Variants in ALG6 observed in about 807,000 individuals in gnomAD.
ALG6 encodes dolichyl pyrophosphate Man9GlcNAc2 alpha-1,3-glucosyltransferase.
ALG6 carries 46 observed loss-of-function variants against 66.6 expected under a neutral mutation model. That is an observed-to-expected ratio of 0.69 (90% CI 0.55 to 0.88). ALG6 has a LOEUF of 0.88. ALG6 is among the 40% of genes least tolerant of loss of function. The pLI, the probability that ALG6 is intolerant of heterozygous loss-of-function variation, is 0.00. For synonymous variants in ALG6, 185 were observed against 203.7 expected, an observed-to-expected ratio of 0.91 and a Z score of 0.78; for missense variants, 505 against 586.8, an observed-to-expected ratio of 0.86 and a Z score of 1.44.
At chr1:63,381,170 A>G (rs1010649381) in intron 2 of ALG6, among the ~76,000 whole-genome samples, 11 of 151,758 alleles carry the variant, frequency 7.2e-5, no homozygotes, top group Admixed American at 1.3e-4. Context: ...AAATACAAAA[A>G]TTGGCCAGGC....
At chr1:63,429,859 G>GTA (rs1417462288) in intron 14 of ALG6, 1 of 151,452 alleles carries the variant, frequency 6.6e-6, no homozygotes, top group African/African-American at 2.4e-5. Flanking sequence ...TAGTGTGTGT[G>GTA]TGTGTGTGTG....
At chr1:63,375,295 A>G (rs1292962185) in intron 2 of ALG6, among the ~76,000 whole-genome samples, 1 of 148,572 alleles carries the variant, frequency 6.7e-6, no homozygotes, top group African/African-American at 2.5e-5. Flanking sequence ...CCCAGGCTGG[A>G]GGGCAATGGT....
intron 3 of ALG6, among the ~76,000 whole-genome samples, chr1:63,399,834 A>G (rs41462144): frequency 0.014 from 2,065 of 152,092 alleles, 37 homozygotes; most frequent in African/African-American, 0.047. Context: ...CTGAGATTAC[A>G]TGGGAATTCA....
rs1456036206 is a variant in ALG6 at position 63,371,003 on chromosome 1, T to C, written c.26T>C (p.Val9Ala). Residue 9 changes from valine (V) to alanine (A), a missense_variant, in exon 2 of 15, where the codon GTA (valine) becomes GCA (alanine). By Grantham distance (64) the Val-to-Ala change is moderately conservative. Coordinates refer to ENST00000263440, the MANE Select transcript of ALG6 (RefSeq NM_013339.4). ...ATGGAGAAATGGTACTTGATGACAGTAGTGGTTTTAATAGGACTAACAGTA... is the reference window on the plus strand; with the variant it reads ...ATGGAGAAATGGTACTTGATGACAGCAGTGGTTTTAATAGGACTAACAGTA... Reference protein sequence around the residue: MEKWYLMTVVVLIGLTVRW... With the variant: MEKWYLMTAVVLIGLTVRW... 5 of 1,610,126 alleles carry C rather than the reference T, an allele frequency of 3.1e-6. No individual in the cohort carries two copies. The South Asian group carries it at 3.3e-5, about 11-fold the overall frequency.
intron 12 of ALG6, among the ~76,000 whole-genome samples, chr1:63,421,523 GT>G (rs1375819639): frequency 6.6e-6 from 1 of 152,072 alleles, no homozygotes; most frequent in Non-Finnish European, 1.5e-5. Flanking sequence ...CCATTACTGG[GT>G]ATATACTCAA....
intron 2 of ALG6, among the ~76,000 whole-genome samples, chr1:63,375,410 ATTTTTTTTTT>A (rs766565038): frequency 4.0e-4 from 31 of 77,080 alleles, no homozygotes; most frequent in South Asian, 2.5e-3. Context: ...CACCCCCGGC[ATTTTTTTTTT>A]TTTTTTTTTT....
chr1:63,389,580 G>A (rs1648607302), intron 2 of ALG6, among the ~76,000 whole-genome samples: 1 of 152,198 alleles, frequency 6.6e-6, no homozygotes, highest in African/African-American at 2.4e-5. Context: ...GGTTGCTGGT[G>A]CCTTATTAAG....
chr1:63,421,924 C>G (rs1228385615), intron 12 of ALG6, among the ~76,000 whole-genome samples: 1 of 150,186 alleles, frequency 6.7e-6, no homozygotes, highest in Non-Finnish European at 1.5e-5. Context: ...ATGTAGATGA[C>G]AGGTTGATGG....
chr1:63,409,391 T>C (rs892691553), intron 7 of ALG6, among the ~76,000 whole-genome samples: 2 of 152,216 alleles, frequency 1.3e-5, no homozygotes, highest in Non-Finnish European at 2.9e-5. Flanking sequence ...TCTGTTCTGC[T>C]AAATTCTGTT....
At chr1:63,426,348 G>T (rs895414370) in intron 12 of ALG6, among the ~76,000 whole-genome samples, 2 of 152,172 alleles carry the variant, frequency 1.3e-5, no homozygotes, top group Non-Finnish European at 1.5e-5. Context: ...AACAGGCACA[G>T]TTGAGAGGGC....
intron 12 of ALG6, among the ~76,000 whole-genome samples, chr1:63,420,878 T>G (rs986112898): frequency 1.3e-5 from 2 of 149,884 alleles, no homozygotes; most frequent in Non-Finnish European, 3.0e-5. Flanking sequence ...AAAAAAAAAT[T>G]AAATAAAAGT....
intron 12 of ALG6, among the ~76,000 whole-genome samples, chr1:63,422,165 AAC>A (rs1162897953): frequency 0.043 from 4,746 of 111,516 alleles, 319 homozygotes; most frequent in Non-Finnish European, 0.066. Flanking sequence ...ATATATATAT[AAC>A]TATGAATTTA....
chr1:63,377,542 A>G (rs1477574457), intron 2 of ALG6, among the ~76,000 whole-genome samples: 1 of 152,160 alleles, frequency 6.6e-6, no homozygotes, highest in Non-Finnish European at 1.5e-5. Context: ...ATTTAACTTA[A>G]CAAAGCCTAA....
chr1:63,400,320 CGT>C (rs1557587811), intron 3 of ALG6, among the ~76,000 whole-genome samples: 45 of 4,470 alleles, frequency 0.01, 11 homozygotes, highest in Non-Finnish European at 0.011. Context: ...TATATATATA[CGT>C]ATATATATAT....
At chr1:63,383,450 A>G (rs781284683) in intron 2 of ALG6, among the ~76,000 whole-genome samples, 6 of 151,576 alleles carry the variant, frequency 4.0e-5, no homozygotes, top group Non-Finnish European at 8.8e-5. Context: ...GTATCTCACT[A>G]TGTCACCCAG....
intron 7 of ALG6, among the ~76,000 whole-genome samples, chr1:63,409,959 CT>C (rs1417231578): frequency 6.6e-6 from 1 of 152,126 alleles, no homozygotes; most frequent in Non-Finnish European, 1.5e-5. Flanking sequence ...GCCAGATAAT[CT>C]TTGCATGGGA....
chr1:63,371,700 G>A (rs1647931490), intron 2 of ALG6, among the ~76,000 whole-genome samples: 2 of 152,054 alleles, frequency 1.3e-5, no homozygotes. Context: ...TGCCTCCCGG[G>A]TTCAAGCAAT....
chr1:63,376,323 C>G (rs1221855039), intron 2 of ALG6, among the ~76,000 whole-genome samples: 1 of 152,106 alleles, frequency 6.6e-6, no homozygotes, highest in Non-Finnish European at 1.5e-5. Flanking sequence ...ATGGGACCAT[C>G]ATTGTTTATA....
chr1:63,432,289 A>G (rs1644650195), intron 14 of ALG6, among the ~76,000 whole-genome samples: 1 of 150,468 alleles, frequency 6.6e-6, no homozygotes, highest in Admixed American at 6.6e-5. Context: ...ATTATATGAC[A>G]TATTTCATTG....
Sources: allele counts gnomAD v4.1 joint callset (sites outside exome capture counted in the v4.1 genomes callset), GRCh38; gene constraint gnomAD v4.1.1; transcripts MANE v1.5; gene names NCBI Gene and HGNC (gene_info 2026-07-23, HGNC 2026-07-21).